Variants in SCN2A observed in about 807,000 individuals in gnomAD.
SCN2A encodes the protein sodium channel protein type 2 subunit alpha.
A neutral mutation model predicts 188.7 loss-of-function variants in SCN2A; 20 were observed. The observed-to-expected ratio is 0.11, with a 90% CI of 0.07 to 0.15. The LOEUF is 0.15. SCN2A is among the 10% of genes least tolerant of loss of function. SCN2A has a pLI of 1.00. For missense variants in SCN2A, 1,278 were observed against 2,445.0 expected (o/e 0.52, Z 10.07); for synonymous variants, 804 against 833.1 (o/e 0.97, Z 0.60).
At chr2:165,349,069 C>T (rs1699752900) in intron 16 of SCN2A, among the ~76,000 whole-genome samples, 1 of 152,044 alleles carries the variant, frequency 6.6e-6, no homozygotes, top group African/African-American at 2.4e-5. Flanking sequence ...TATAAGATCA[C>T]ATAGAACAGA....
chr2:165,338,591 A>G (rs968878801), intron 14 of SCN2A, among the ~76,000 whole-genome samples: 2 of 152,182 alleles, frequency 1.3e-5, no homozygotes, highest in Admixed American at 1.3e-4. Context: ...TACAATATTA[A>G]TTTTACATAG....
chr2:165,244,993 A>G (rs572734524), intron 1 of SCN2A, among the ~76,000 whole-genome samples: 1 of 152,310 alleles, frequency 6.6e-6, no homozygotes, highest in South Asian at 2.1e-4. Context: ...GGAGATTATG[A>G]TAATGTTATG....
At chr2:165,322,965 A>T (rs1287025301) in intron 11 of SCN2A, among the ~76,000 whole-genome samples, 191 bp from the exon 12 acceptor site, 2 of 152,146 alleles carry the variant, frequency 1.3e-5, no homozygotes, top group Non-Finnish European at 2.9e-5. Flanking sequence ...AGTGAAATAG[A>T]AAAGGTGAAC....
rs201239716 is a variant in SCN2A at position 165,362,413 on chromosome 2, TA to T, written c.3400-2722del. On this transcript the variant is annotated intron_variant, in intron 17 of 26. Transcript: ENST00000375437. ...CAGAGAAAATGAATAAAAAAGCAAT[TA>T]AAAAAAACACCTCAACATGCTTCTC... 1.1e-3 allele frequency among the ~76,000 whole-genome samples: 161 copies of T among 151,766 alleles called. 4 individuals carry two copies. In the East Asian group the frequency reaches 0.029, roughly 27 times the overall value.
At chr2:165,265,471 C>CTCTATATATATATATATA (rs1380825419) in intron 1 of SCN2A, among the ~76,000 whole-genome samples, 2 of 29,022 alleles carry the variant, frequency 6.9e-5, no homozygotes, top group Admixed American at 5.1e-4. Context: ...CTCTGTTGAT[C>CTCTATATATATATATATA]TATATATATA....
rs373545585 is a variant in SCN2A at position 165,309,464 on chromosome 2, C to T, written c.697+21C>T. On this transcript the variant is annotated intron_variant, in intron 6 of 26. Transcript: ENST00000375437. ...TCCAGGTGAGAGCTAGGTTAAACAC[C>T]GAGGCTGACTTTAGCTACAGTGGTG... 209 of 1,612,830 alleles carry T rather than the reference C, an allele frequency of 1.3e-4. No homozygotes were observed. The Middle Eastern group carries it at 1.6e-3, about 13-fold the overall frequency.
chr2:165,352,430 G>T (rs984091210), intron 16 of SCN2A, among the ~76,000 whole-genome samples: 1 of 152,106 alleles, frequency 6.6e-6, no homozygotes, highest in Admixed American at 6.5e-5. Context: ...AGACAAAGGT[G>T]CTGTAAGCCT....
Position 165,307,537 on chromosome 2 carries a change from T to C in SCN2A, c.387-311T>C, listed in dbSNP as rs1201093340. Among the ~76,000 whole-genome samples, 5 of 152,240 alleles carry C rather than the reference T, an allele frequency of 3.3e-5. 1 individual carries two copies. The highest frequency in any genetic ancestry group is 4.1e-4 in the South Asian group (2 of 4,830). On this transcript the variant is annotated intron_variant, in intron 3 of 26. Coordinates refer to ENST00000375437, the MANE Select transcript of SCN2A (RefSeq NM_001040142.2). ...CTGAACTTGCAGTTTTAATGTTCAG[T>C]TGAGTCTGTCGTTAAGAAAATTTAA... is the stretch of plus-strand genomic sequence containing the variant.
At chr2:165,252,303 C>T (rs1266202199) in intron 1 of SCN2A, among the ~76,000 whole-genome samples, 1 of 151,968 alleles carries the variant, frequency 6.6e-6, no homozygotes, top group East Asian at 1.9e-4. Context: ...TTTCTGTCAA[C>T]ATTTGAAGAA....
In SCN2A at chr2:165,285,127, ATG is replaced by A. The variant is rs1352715805; in HGVS notation, c.-51-10642_-51-10641del. The A allele has an allele frequency of 2.0e-5, 3 of 152,372 alleles. No individual in the cohort carries two copies. In the East Asian group the frequency reaches 5.8e-4, roughly 29 times the overall value. 9.4% of individuals were successfully genotyped at this position (152,372 alleles called of 1,614,324 possible). On this transcript the variant is annotated intron_variant, in intron 1 of 26. Coordinates refer to ENST00000375437, the MANE Select transcript of SCN2A (RefSeq NM_001040142.2). ...TGCATTTCTGTTAAAGAAAAGCAAA[ATG>A]TGTCTTAGGACATAACAATCATTTA...
At chr2:165,371,102 T>C (rs771624512) in intron 20 of SCN2A, 10 of 152,196 alleles carry the variant, frequency 6.6e-5, no homozygotes, top group Non-Finnish European at 1.2e-4. Context: ...ATTTTCTGTA[T>C]GTACTTATCA....
chr2:165,381,512 A>G (rs1235385854), intron 25 of SCN2A, among the ~76,000 whole-genome samples: 2 of 142,560 alleles, frequency 1.4e-5, no homozygotes, highest in Non-Finnish European at 3.2e-5. Context: ...AATAAAATAC[A>G]TACATACATA....
intron 18 of SCN2A, 96 bp downstream of exon 18, chr2:165,365,359 TTATC>T (rs541280421): frequency 3.2e-4 from 431 of 1,362,976 alleles, no homozygotes; most frequent in East Asian, 1.2e-3. Flanking sequence ...CTACCATCTA[TTATC>T]TATCTATCTG....
rs201669519 is a variant in SCN2A, at chr2:165,388,595, A to G, written c.4823-34A>G. On this transcript the variant is annotated intron_variant, in intron 26 of 26. Transcript: ENST00000375437. ...ACTTTCATTTGCTACTATTAAGTAT[A>G]ACAATATTTTTGTTATTTGTTGATT... 2.4e-5 allele frequency: 38 copies of G among 1,613,368 alleles called. No homozygotes were observed. In the African/African-American group the frequency reaches 3.9e-4, roughly 16 times the overall value.
At chr2:165,282,694 G>T (rs1185708098) in intron 1 of SCN2A, among the ~76,000 whole-genome samples, 1 of 152,046 alleles carries the variant, frequency 6.6e-6, no homozygotes, top group Admixed American at 6.6e-5. Flanking sequence ...AGGATTATAG[G>T]TGCAAGGCAC....
At chr2:165,324,534 T>C (rs1698251265) in intron 12 of SCN2A, among the ~76,000 whole-genome samples, 3 of 152,148 alleles carry the variant, frequency 2.0e-5, no homozygotes, top group Admixed American at 1.3e-4. Flanking sequence ...TGCAGTCAGG[T>C]TGAACCATGA....
Position 165,327,001 on chromosome 2 carries a change from G to A in SCN2A, c.2149+17G>A. Reference sequence around the variant, plus strand: ...CCATGGAAGGTATGTTAAAAGTCCTGCGTCACAGTTACTTGGTGCTTTGGT... The same window carrying A: ...CCATGGAAGGTATGTTAAAAGTCCTACGTCACAGTTACTTGGTGCTTTGGT... On this transcript the variant is annotated intron_variant, in intron 13 of 26. Coordinates refer to ENST00000375437, the MANE Select transcript of SCN2A (RefSeq NM_001040142.2). 6.2e-7 allele frequency: 1 copy of A among 1,613,650 alleles called. No individual in the cohort carries two copies. Among genetic ancestry groups the A allele is most frequent in the Non-Finnish European group, 8.5e-7 (1 of 1,179,708 alleles).
intron 1 of SCN2A, chr2:165,294,186 C>A: frequency 3.7e-6 from 3 of 820,866 alleles, no homozygotes; most frequent in Non-Finnish European, 2.9e-6. Flanking sequence ...GCTTCTCTAC[C>A]TTTACAGTAG....
At chr2:165,291,531 T>TTCTTTCTTTCTTTCTTTCTC (rs1696186196) in intron 1 of SCN2A, among the ~76,000 whole-genome samples, 1 of 41,532 alleles carries the variant, frequency 2.4e-5, no homozygotes, top group Non-Finnish European at 5.8e-5. Context: ...TTTCTTTCCT[T>TTCTTTCTTTCTTTCTTTCTC]CCTTCCTTCC....
Sources: gnomAD v4.1 joint callset for allele counts (sites outside exome capture counted in the v4.1 genomes callset) on GRCh38, gnomAD v4.1.1 for gene constraint, MANE v1.5 for transcripts, NCBI Gene and HGNC (gene_info 2026-07-23, HGNC 2026-07-21) for gene names.